RASA2: variants seen among roughly 807,000 people sequenced by gnomAD.
RASA2 encodes the protein ras GTPase-activating protein 2.
In RASA2, 155 loss-of-function variants were observed where a neutral mutation model predicts 118.2. The observed-to-expected ratio is 1.31, with a 90% CI of 1.15 to 1.50. The LOEUF (loss-of-function observed/expected upper bound fraction) is 1.50, where lower values mean the gene tolerates loss of function less well. Among genes scored for constraint, RASA2 ranks in the 40% most tolerant of loss-of-function variants. RASA2 has a pLI of 0.00. For synonymous variants in RASA2, 353 were observed against 349.1 expected, an observed-to-expected ratio of 1.01 and a Z score of -0.12; for missense variants, 1,016 against 1,009.6, an observed-to-expected ratio of 1.01 and a Z score of -0.09.
Position 141,489,087 on chromosome 3 carries a change from G to T in RASA2, c.133+1871G>T, listed in dbSNP as rs113070320. Among the ~76,000 whole-genome samples the T allele has an allele frequency of 8.5e-3, 1,298 of 152,274 alleles. 22 individuals carry two copies. The highest frequency in any genetic ancestry group is 0.025 in the African/African-American group (1,047 of 41,542). On this transcript the variant is annotated intron_variant, in intron 1 of 23. Transcript: ENST00000286364. Reference sequence around the variant, plus strand: ...GTTTCTATGGTTTAAAGCAACCCTGGCTTGGAAATTGATCATCCAGCTGCT... The same window carrying T: ...GTTTCTATGGTTTAAAGCAACCCTGTCTTGGAAATTGATCATCCAGCTGCT...
chr3:141,525,813 A>G (rs188836456), intron 3 of RASA2: 23 of 152,254 alleles, frequency 1.5e-4, no homozygotes, highest in African/African-American at 5.1e-4. Flanking sequence ...TCTCAAAAAA[A>G]AAATTAAAAA....
At chr3:141,574,774 T>C (rs1054934360) in intron 14 of RASA2, among the ~76,000 whole-genome samples, 2 of 152,220 alleles carry the variant, frequency 1.3e-5, no homozygotes, top group African/African-American at 4.8e-5. Flanking sequence ...ATAGTGAGAA[T>C]CTTTAGTTCC....
At chr3:141,580,591 G>A (rs532040360) in intron 16 of RASA2, 140 bp downstream of exon 16, 2 of 540,392 alleles carry the variant, frequency 3.7e-6, no homozygotes, top group South Asian at 6.9e-5. Flanking sequence ...CACAATAGCT[G>A]TCTTTTAAGT....
At chr3:141,489,654 T>C (rs1454778576) in intron 1 of RASA2, among the ~76,000 whole-genome samples, 2 of 152,222 alleles carry the variant, frequency 1.3e-5, no homozygotes, top group African/African-American at 2.4e-5. Context: ...AATTTTCTTA[T>C]TTCTGGACTT....
In RASA2 at chr3:141,603,581, TAAAA is replaced by T. The variant is rs369641977; in HGVS notation, c.1934-4094_1934-4091del. 5.1e-3 allele frequency among the ~76,000 whole-genome samples: 780 copies of T among 151,870 alleles called. 7 individuals are homozygous for T. Among genetic ancestry groups the T allele is most frequent in the African/African-American group, 0.018 (748 of 41,450 alleles). On this transcript the variant is annotated intron_variant, in intron 19 of 23. Coordinates refer to ENST00000286364, the MANE Select transcript of RASA2 (RefSeq NM_006506.5). ...AGCAAAACTCTGTCTCAAAAAAAAA[TAAAA>T]AATAAAATTTAGATATAATTCACAT...
At chr3:141,585,981 G>T (rs766982634) in intron 17 of RASA2, 44 bp from the exon 18 acceptor site, 1 of 1,481,098 alleles carries the variant, frequency 6.8e-7, no homozygotes, top group South Asian at 1.2e-5. Flanking sequence ...TTTTTATAAT[G>T]TACCTTATCA....
chr3:141,609,562 C>T (rs762329604), intron 22 of RASA2, 39 bp downstream of exon 22: 2 of 1,409,972 alleles, frequency 1.4e-6, no homozygotes, highest in South Asian at 2.4e-5. Flanking sequence ...CATAATCTTT[C>T]ATTACCAATT....
At position 141,487,891 on chromosome 3, in the gene RASA2, C is replaced by T. The variant is rs534186033; in HGVS notation, c.133+675C>T. Among the ~76,000 whole-genome samples the T allele has an allele frequency of 4.6e-5, 7 of 152,274 alleles. No individual in the cohort carries two copies. The South Asian group carries it at 1.4e-3, about 32-fold the overall frequency. On this transcript the variant is annotated intron_variant, in intron 1 of 23. Coordinates refer to ENST00000286364, the MANE Select transcript of RASA2 (RefSeq NM_006506.5). ...TTGCCCCACCTCGCTGCGGCCGGGACTTGAATCGAGGGACGGCGTGACAGG... is the reference window on the plus strand; with the variant it reads ...TTGCCCCACCTCGCTGCGGCCGGGATTTGAATCGAGGGACGGCGTGACAGG...
In RASA2 at chr3:141,612,348, ATTAT is replaced by A. The variant is rs2083665709; in HGVS notation, c.*38_*41del. On this transcript the variant is annotated 3_prime_UTR_variant, in exon 24 of 24. Transcript: ENST00000286364. ...GATTGGTTCAGAAGAACTGGAAAAT[ATTAT>A]TTTTCTTGGAGCTTTTCAATTCATC... 6.6e-7 allele frequency: 1 copy of A among 1,520,346 alleles called. No individual in the cohort carries two copies. Among genetic ancestry groups the A allele is most frequent in the South Asian group, 1.2e-5 (1 of 83,108 alleles). The allele number at this position is 1,520,346 out of a possible 1,614,324, so 94.2% of individuals were successfully genotyped here. A position where few individuals can be genotyped will look rare whatever the true frequency, so the allele number is the denominator to read the frequency against.
At position 141,493,924 on chromosome 3, in the gene RASA2, A is replaced by G. The variant is rs575550345; in HGVS notation, c.133+6708A>G. On this transcript the variant is annotated intron_variant, in intron 1 of 23. Transcript: ENST00000286364. The stretch of plus-strand genomic sequence containing the variant: ...CAACATACAAATTATAGCAAAATAT[A>G]TACATTTTTCTGTATCTTGCTTTTT... Among the ~76,000 whole-genome samples the G allele has an allele frequency of 6.6e-5, 10 of 152,330 alleles. No individual in the cohort carries two copies. The South Asian group carries it at 1.9e-3, about 28-fold the overall frequency.
At chr3:141,543,473 T>C (rs1176086009) in intron 5 of RASA2, among the ~76,000 whole-genome samples, 1 of 152,232 alleles carries the variant, frequency 6.6e-6, no homozygotes, top group Non-Finnish European at 1.5e-5. Context: ...GTAAGTCTGT[T>C]GTCTCTACCC....
At chr3:141,512,106 G>T in intron 1 of RASA2, 57 bp from the exon 2 acceptor site, 1 of 1,185,556 alleles carries the variant, frequency 8.4e-7, no homozygotes, top group Non-Finnish European at 1.2e-6. Flanking sequence ...CCTATATAAG[G>T]CTTAGTATGA....
chr3:141,571,006 G>T lies in RASA2; in HGVS notation c.958G>T (p.Val320Leu), dbSNP rs780881237. The T allele has an allele frequency of 1.9e-6, 3 of 1,612,334 alleles. No homozygotes were observed. Among genetic ancestry groups the T allele is most frequent in the Non-Finnish European group, 2.5e-6 (3 of 1,179,244 alleles). Residue 320 changes from valine to leucine, a missense_variant, in exon 10 of 24, where the codon GTG becomes TTG. This residue lies in a region of RASA2 where 896 missense variants were observed against 836.4 expected (regional missense o/e 1.07). Coordinates refer to ENST00000286364, the MANE Select transcript of RASA2 (RefSeq NM_006506.5). ...AAATATATGTTATACAGAAGACTACGTGCTTCCTTCAGAGTACTATGGTCC... is the reference window on the plus strand; with the variant it reads ...AAATATATGTTATACAGAAGACTACTTGCTTCCTTCAGAGTACTATGGTCC... ...RLNICYTEDYVLPSEYYGPLK... is the reference protein window; with the variant it reads ...RLNICYTEDYLLPSEYYGPLK...
chr3:141,513,936 G>A (rs776897489), intron 2 of RASA2, among the ~76,000 whole-genome samples: 4 of 152,118 alleles, frequency 2.6e-5, no homozygotes, highest in Non-Finnish European at 4.4e-5. Context: ...AAGAATCATA[G>A]AAGGATAAAT....
chr3:141,563,187 A>G (rs968396396), intron 9 of RASA2, among the ~76,000 whole-genome samples: 2 of 152,188 alleles, frequency 1.3e-5, no homozygotes, highest in Non-Finnish European at 2.9e-5. Context: ...TGAAAAGTAC[A>G]TGTTTAGAGC....
chr3:141,600,327 T>C (rs2083443644), intron 19 of RASA2: 10 of 535,374 alleles, frequency 1.9e-5, no homozygotes, highest in Non-Finnish European at 3.0e-5. Context: ...ATGTCCAAAG[T>C]GTTAGGTTGT....
chr3:141,536,838 C>T (rs1011089014), intron 4 of RASA2, among the ~76,000 whole-genome samples: 1 of 150,340 alleles, frequency 6.7e-6, no homozygotes, highest in Non-Finnish European at 1.5e-5. Flanking sequence ...ACCTCTGCCT[C>T]CTGGGTTCAA....
intron 15 of RASA2, 62 bp downstream of exon 15, chr3:141,577,168 A>T: frequency 1.5e-6 from 2 of 1,313,644 alleles, no homozygotes; most frequent in Non-Finnish European, 2.1e-6. Flanking sequence ...AAATGAAGAA[A>T]AGATAAAATA....
At chr3:141,526,251 C>T (rs145272983) in intron 3 of RASA2, 1 of 152,152 alleles carries the variant, frequency 6.6e-6, no homozygotes, top group Non-Finnish European at 1.5e-5. Context: ...CAGTTCAGTG[C>T]TCTTTCCACT....
Sources: allele counts gnomAD v4.1 joint callset (sites outside exome capture counted in the v4.1 genomes callset), GRCh38; gene constraint gnomAD v4.1.1; regional missense constraint gnomAD v4.1.1; transcripts MANE v1.5; gene names NCBI Gene and HGNC (gene_info 2026-07-23, HGNC 2026-07-21).